MOXD1: variants seen among roughly 807,000 people sequenced by gnomAD.
MOXD1 encodes the protein monooxygenase DBH like 1.
A neutral mutation model predicts 66.6 loss-of-function variants in MOXD1; 62 were observed. That is an observed-to-expected ratio of 0.93 (90% confidence interval 0.76 to 1.15). MOXD1 has a LOEUF of 1.15. MOXD1 is among the 50% of genes most tolerant of loss of function. MOXD1 has a pLI of 0.00. For missense variants in MOXD1, 847 were observed against 754.6 expected (o/e 1.12, Z -1.44); for synonymous variants, 303 against 281.9 (o/e 1.07, Z -0.75).
chr6:132,341,830 C>T (rs1775569210), intron 4 of MOXD1, among the ~76,000 whole-genome samples: 1 of 152,200 alleles, frequency 6.6e-6, no homozygotes, highest in African/African-American at 2.4e-5. Context: ...TTTTGGCTCA[C>T]ATTTGCCCTG....
intron 1 of MOXD1, among the ~76,000 whole-genome samples, chr6:132,386,656 G>A (rs553441721): frequency 7.3e-5 from 11 of 151,450 alleles, no homozygotes; most frequent in African/African-American, 1.7e-4. Context: ...TCACACGTAA[G>A]TTGGAAGACA....
At chr6:132,349,424 TATATATATATACATATATATATATATAC>T (rs1562289954) in intron 4 of MOXD1, among the ~76,000 whole-genome samples, 487 of 22,326 alleles carry the variant, frequency 0.022, 65 homozygotes, top group Non-Finnish European at 0.032. Context: ...TATATATACA[TATATATATATACATATATATATATATAC>T]ATATATATAT....
At chr6:132,373,175 G>T (rs1178884023) in intron 2 of MOXD1, among the ~76,000 whole-genome samples, 178 bp from the exon 3 acceptor site, 1 of 152,166 alleles carries the variant, frequency 6.6e-6, no homozygotes, top group Non-Finnish European at 1.5e-5. Context: ...AAGTCATTAA[G>T]GATCCAAATA....
intron 4 of MOXD1, among the ~76,000 whole-genome samples, chr6:132,355,694 A>C (rs572456788): frequency 2.6e-5 from 4 of 152,256 alleles, no homozygotes; most frequent in African/African-American, 9.6e-5. Flanking sequence ...CACTATTAGA[A>C]AGCTGCATAC....
At chr6:132,316,491 A>C (rs1774962435) in intron 9 of MOXD1, among the ~76,000 whole-genome samples, 1 of 152,154 alleles carries the variant, frequency 6.6e-6, no homozygotes. Context: ...AACATGCTCA[A>C]GTAGTTAAAG....
chr6:132,343,737 T>A (rs1418721079), intron 4 of MOXD1, among the ~76,000 whole-genome samples: 2 of 152,196 alleles, frequency 1.3e-5, no homozygotes, highest in Non-Finnish European at 2.9e-5. Context: ...AAAAAGTCTG[T>A]CAATAGGCGA....
At chr6:132,400,567 A>T (rs1251255844) in intron 1 of MOXD1, among the ~76,000 whole-genome samples, 1 of 151,978 alleles carries the variant, frequency 6.6e-6, no homozygotes, top group Non-Finnish European at 1.5e-5. Context: ...TTGCCTGGGG[A>T]CCTTCGATTT....
At chr6:132,359,771 C>A (rs1034070079) in intron 4 of MOXD1, among the ~76,000 whole-genome samples, 1 of 152,148 alleles carries the variant, frequency 6.6e-6, no homozygotes. Flanking sequence ...CAGGCGTGAG[C>A]CACCGCGCCC....
chr6:132,343,127 A>G (rs534964918), intron 4 of MOXD1, among the ~76,000 whole-genome samples: 1 of 152,268 alleles, frequency 6.6e-6, no homozygotes, highest in African/African-American at 2.4e-5. Context: ...CATTAAACTA[A>G]GGAAAGATAA....
intron 10 of MOXD1, among the ~76,000 whole-genome samples, chr6:132,301,198 TTATATA>T (rs34981314): frequency 0.32 from 46,291 of 145,834 alleles, 7,448 homozygotes; most frequent in African/African-American, 0.38. Flanking sequence ...ACGAATGGTA[TTATATA>T]TATATATATA....
chr6:132,345,420 T>TA (rs908316018), intron 4 of MOXD1, among the ~76,000 whole-genome samples: 44 of 150,860 alleles, frequency 2.9e-4, no homozygotes, highest in African/African-American at 9.0e-4. Flanking sequence ...CTTCCTCTTC[T>TA]AAAAAAAAAG....
intron 10 of MOXD1, among the ~76,000 whole-genome samples, chr6:132,303,831 GTGTGTATATATA>G (rs1774617602): frequency 1.6e-4 from 11 of 66,728 alleles, no homozygotes; most frequent in African/African-American, 5.7e-4. Context: ...GTGTGTGTGT[GTGTGTATATATA>G]TATATATATA....
At chr6:132,297,533 T>A (rs1001911471) in intron 11 of MOXD1, among the ~76,000 whole-genome samples, 1 of 152,004 alleles carries the variant, frequency 6.6e-6, no homozygotes, top group Non-Finnish European at 1.5e-5. Context: ...GCAGGCTCTA[T>A]TGCTTTTTGC....
chr6:132,373,772 C>T (rs1776317766), intron 2 of MOXD1, among the ~76,000 whole-genome samples: 1 of 152,150 alleles, frequency 6.6e-6, no homozygotes, highest in African/African-American at 2.4e-5. Context: ...GTAATAAGAA[C>T]TTTGAAAATA....
chr6:132,304,615 T>C (rs951293739), intron 10 of MOXD1, among the ~76,000 whole-genome samples: 1 of 152,172 alleles, frequency 6.6e-6, no homozygotes, highest in Non-Finnish European at 1.5e-5. Context: ...GATTCTGTTG[T>C]TTTCGCTGCC....
At chr6:132,322,602 G>C in intron 8 of MOXD1, 77 bp downstream of exon 8, 5 of 1,434,602 alleles carry the variant, frequency 3.5e-6, no homozygotes, top group Non-Finnish European at 4.7e-6. Context: ...TTCACTAGTA[G>C]AAACCTTGCC....
rs141348625 is a variant in MOXD1, at chr6:132,359,938, C to G, written c.663+12670G>C. On this transcript the variant is annotated intron_variant, in intron 4 of 11. Transcript: ENST00000367963. Reference sequence around the variant, plus strand: ...GACTTTGGTATGGTTAAGGTATTCTCTGATCAAAAAATCCATTTATCCTGA... The same window carrying G: ...GACTTTGGTATGGTTAAGGTATTCTGTGATCAAAAAATCCATTTATCCTGA... Among the ~76,000 whole-genome samples the G allele has an allele frequency of 4.5e-3, 691 of 152,250 alleles. 6 individuals are homozygous for G. Among genetic ancestry groups the G allele is most frequent in the African/African-American group, 0.016 (654 of 41,528 alleles).
At chr6:132,349,235 G>T (rs1466689719) in intron 4 of MOXD1, among the ~76,000 whole-genome samples, 1 of 149,588 alleles carries the variant, frequency 6.7e-6, no homozygotes, top group Non-Finnish European at 1.5e-5. Flanking sequence ...ACAATATTTG[G>T]TCTTCCATTC....
rs151203485 is a variant in MOXD1 at position 132,367,526 on chromosome 6, C to T, written c.663+5082G>A. Among the ~76,000 whole-genome samples the T allele has an allele frequency of 2.5e-3, 384 of 152,188 alleles. 2 individuals are homozygous for T. The highest frequency in any genetic ancestry group is 7.9e-3 in the African/African-American group (329 of 41,532). On this transcript the variant is annotated intron_variant, in intron 4 of 11. Transcript: ENST00000367963. ...TCACACAACTAGTAAGTATAATCCT[C>T]TCTTAAAACCCAGCAATGGTCAGCC...
Sources: allele counts gnomAD v4.1 joint callset (sites outside exome capture counted in the v4.1 genomes callset), GRCh38; gene constraint gnomAD v4.1.1; transcripts MANE v1.5; gene names NCBI Gene and HGNC (gene_info 2026-07-23, HGNC 2026-07-21).